Variants in IDE observed in about 807,000 individuals in gnomAD.
IDE encodes the protein insulin-degrading enzyme.
A neutral mutation model predicts 133.2 loss-of-function variants in IDE; 58 were observed. The ratio of observed to expected loss-of-function variants is 0.44; its 90% CI spans 0.35 to 0.54. IDE has a LOEUF of 0.54. IDE is among the 20% of genes least tolerant of loss of function. The probability of loss-of-function intolerance (pLI) is 0.00; values close to 1 mark genes in which losing one functional copy is unlikely to be tolerated. For missense variants in IDE, 981 were observed against 1,234.0 expected (o/e 0.79, Z 3.07); for synonymous variants, 396 against 421.3 (o/e 0.94, Z 0.73).
At chr10:92,564,308 T>C (rs771693006) in intron 1 of IDE, among the ~76,000 whole-genome samples, 7 of 152,074 alleles carry the variant, frequency 4.6e-5, no homozygotes, top group Non-Finnish European at 7.4e-5. Context: ...AAGGAAAAAG[T>C]GTCCTGAAGG....
rs71028827 is a variant in IDE at position 92,552,857 on chromosome 10, C to CAAA, written c.99-15310_99-15308dup. 8.6e-3 allele frequency among the ~76,000 whole-genome samples: 422 copies of CAAA among 49,288 alleles called. 24 individuals carry two copies. The highest frequency in any genetic ancestry group is 0.017 in the South Asian group (27 of 1,620). 32.3% of individuals were successfully genotyped at this position (49,288 alleles called of 152,430 possible). A position where few individuals can be genotyped will look rare whatever the true frequency, so the allele number is the denominator to read the frequency against. On this transcript the variant is annotated intron_variant, in intron 1 of 24. Coordinates refer to ENST00000265986, the MANE Select transcript of IDE (RefSeq NM_004969.4). ...TGGGTGACAGAGTAAGACTCAGTCT[C>CAAA]AAAAAAAAAAAAAAAAAAAAATTAT...
chr10:92,558,636 C>G (rs1325824424), intron 1 of IDE, among the ~76,000 whole-genome samples: 1 of 151,986 alleles, frequency 6.6e-6, no homozygotes, highest in Middle Eastern at 3.2e-3. Context: ...CTCTCGTCAC[C>G]CAGGCTGGAG....
chr10:92,503,978 A>G (rs1848164951), intron 11 of IDE, among the ~76,000 whole-genome samples: 1 of 152,008 alleles, frequency 6.6e-6, no homozygotes, highest in African/African-American at 2.4e-5. Flanking sequence ...CTGGCCTCCC[A>G]AAGTGCTGGG....
In IDE at chr10:92,497,708, T is replaced by C. The variant is rs189062129; in HGVS notation, c.1430+7086A>G. 6.5e-5 allele frequency: 64 copies of C among 984,570 alleles called. 1 individual carries two copies. In the Admixed American group the frequency reaches 3.7e-3, roughly 58 times the overall value. The allele number at this position is 984,570 out of a possible 1,614,324, so 61.0% of individuals were successfully genotyped here. ...CCTAGTCTGGTCTGGCAGCTGGCAATATTATCCCAGGCTGTTTTGCACCAT... is the reference window on the plus strand; with the variant it reads ...CCTAGTCTGGTCTGGCAGCTGGCAACATTATCCCAGGCTGTTTTGCACCAT... On this transcript the variant is annotated intron_variant, in intron 11 of 24. Transcript: ENST00000265986.
chr10:92,536,555 G>A (rs566572387), intron 2 of IDE, among the ~76,000 whole-genome samples: 22 of 150,770 alleles, frequency 1.5e-4, no homozygotes, highest in African/African-American at 3.7e-4. Flanking sequence ...AGAATTAGGC[G>A]GGCGTGGTGG....
At chr10:92,491,721 C>T (rs573842625) in intron 11 of IDE, among the ~76,000 whole-genome samples, 2 of 152,184 alleles carry the variant, frequency 1.3e-5, no homozygotes, top group Non-Finnish European at 2.9e-5. Flanking sequence ...AGCAATTCTC[C>T]GGCCTCAGCC....
chr10:92,493,051 G>A (rs1847456371), intron 11 of IDE, among the ~76,000 whole-genome samples: 1 of 152,202 alleles, frequency 6.6e-6, no homozygotes, highest in South Asian at 2.1e-4. Context: ...ACGTTCCAGA[G>A]AAAGATACAG....
At chr10:92,563,314 T>C (rs1843369137) in intron 1 of IDE, among the ~76,000 whole-genome samples, 1 of 151,390 alleles carries the variant, frequency 6.6e-6, no homozygotes, top group South Asian at 2.1e-4. Context: ...TAGCTGGGTG[T>C]GTGGGTGCAT....
intron 14 of IDE, among the ~76,000 whole-genome samples, chr10:92,481,266 T>C (rs1156807132): frequency 1.3e-5 from 2 of 152,098 alleles, no homozygotes; most frequent in Non-Finnish European, 2.9e-5. Flanking sequence ...AGAAAATAAT[T>C]CCAAGGAGTG....
chr10:92,469,516 C>T (rs1038669062), intron 18 of IDE, among the ~76,000 whole-genome samples: 2 of 151,998 alleles, frequency 1.3e-5, no homozygotes, highest in African/African-American at 4.8e-5. Flanking sequence ...GCAGCCTCAA[C>T]CTCCTAGGCT....
chr10:92,545,199 T>G (rs1169593840), intron 1 of IDE, among the ~76,000 whole-genome samples: 1 of 152,102 alleles, frequency 6.6e-6, no homozygotes, highest in Non-Finnish European at 1.5e-5. Context: ...ACCAACACGA[T>G]GCCACTAACA....
In IDE at chr10:92,479,227, C is replaced by A; in HGVS notation, c.1884+50G>T. The A allele has an allele frequency of 5.1e-6, 7 of 1,383,312 alleles. No individual in the cohort carries two copies. In the South Asian group the frequency reaches 5.9e-5, roughly 12 times the overall value. 85.7% of individuals were successfully genotyped at this position (1,383,312 alleles called of 1,614,324 possible). ...CAATCAAAAAATGCTTCCATCAAAT[C>A]AATATAAAAAATGTTGATGAGTGGA... On this transcript the variant is annotated intron_variant, in intron 15 of 24. Transcript: ENST00000265986.
At chr10:92,569,383 G>A (rs572201425) in intron 1 of IDE, among the ~76,000 whole-genome samples, 24 of 152,346 alleles carry the variant, frequency 1.6e-4, no homozygotes, top group African/African-American at 5.8e-4. Context: ...CTGATGTGAT[G>A]ATAAGAATCA....
At chr10:92,550,095 G>C (rs1402370091) in intron 1 of IDE, among the ~76,000 whole-genome samples, 1 of 152,060 alleles carries the variant, frequency 6.6e-6, no homozygotes, top group Non-Finnish European at 1.5e-5. Context: ...TTGAACCTGA[G>C]AAGTGGAGGT....
chr10:92,485,388 G>A (rs1324340920), intron 13 of IDE, among the ~76,000 whole-genome samples: 1 of 152,010 alleles, frequency 6.6e-6, no homozygotes, highest in East Asian at 1.9e-4. Context: ...CAAAGTGCTG[G>A]GATTACAGGC....
At chr10:92,510,187 C>G in intron 5 of IDE, 25 bp from the exon 6 acceptor site, 1 of 1,237,354 alleles carries the variant, frequency 8.1e-7, no homozygotes. Flanking sequence ...ACAAGGAAAA[C>G]AGAACTTAAG....
chr10:92,536,448 C>T (rs912331025), intron 2 of IDE, among the ~76,000 whole-genome samples: 1 of 151,332 alleles, frequency 6.6e-6, no homozygotes, highest in African/African-American at 2.4e-5. Flanking sequence ...CCTGTAATCC[C>T]TGCACTTTGG....
intron 1 of IDE, among the ~76,000 whole-genome samples, chr10:92,543,490 A>C (rs980480545): frequency 5.9e-5 from 9 of 152,246 alleles, no homozygotes; most frequent in African/African-American, 2.2e-4. Context: ...TTCATACACC[A>C]GCTAGATCAT....
At chr10:92,479,631 A>C in intron 14 of IDE, 1 of 404,640 alleles carries the variant, frequency 2.5e-6, no homozygotes, top group South Asian at 4.2e-5. Context: ...GTGTGTGTGC[A>C]TGCGTGCGTG....
Sources: allele counts gnomAD v4.1 joint callset (sites outside exome capture counted in the v4.1 genomes callset), GRCh38; gene constraint gnomAD v4.1.1; transcripts MANE v1.5; gene names NCBI Gene and HGNC (gene_info 2026-07-23, HGNC 2026-07-21).